Variants in KATNAL2 observed in about 807,000 individuals in gnomAD.
The protein encoded by KATNAL2 is katanin p60 ATPase-containing subunit A-like 2.
In KATNAL2, 52 loss-of-function variants were observed where a neutral mutation model predicts 76.3. That is an observed-to-expected ratio of 0.68 (90% CI 0.55 to 0.86). The LOEUF is 0.86. Among genes scored for constraint, KATNAL2 ranks in the 40% least tolerant of loss-of-function variants. The pLI is 0.00. For synonymous variants in KATNAL2, 243 were observed against 244.2 expected (o/e 1.00, Z 0.05); for missense variants, 660 against 668.9 (o/e 0.99, Z 0.15).
chr18:47,101,122 G>T lies in KATNAL2; in HGVS notation c.*117G>T, dbSNP rs1599906611. 8 of 1,161,112 alleles carry T rather than the reference G, an allele frequency of 6.9e-6. No homozygotes were observed. In the East Asian group the frequency reaches 2.0e-4, roughly 29 times the overall value. The allele number at this position is 1,161,112 out of a possible 1,614,324, so 71.9% of individuals were successfully genotyped here. A position where few individuals can be genotyped will look rare whatever the true frequency, so the allele number is the denominator to read the frequency against. On this transcript the variant is annotated 3_prime_UTR_variant, in exon 18 of 18. Coordinates refer to ENST00000683218, the MANE Select transcript of KATNAL2 (RefSeq NM_001387690.1). ...AAAGAGAAAATTATTTTTGAAGACT[G>T]GATTAACTTGAGCCACTGTATTGTT... is the stretch of plus-strand genomic sequence containing the variant.
chr18:46,943,865 A>G (rs1241175939), intron 1 of KATNAL2, among the ~76,000 whole-genome samples: 1 of 152,238 alleles, frequency 6.6e-6, no homozygotes, highest in South Asian at 2.1e-4. Context: ...TGAAGCTAAC[A>G]TGCTCTATTT....
chr18:47,052,221 A>G (rs972387330), intron 4 of KATNAL2, among the ~76,000 whole-genome samples: 5 of 152,248 alleles, frequency 3.3e-5, no homozygotes, highest in African/African-American at 1.2e-4. Flanking sequence ...TTACAACTGA[A>G]CAAGTTAAAA....
chr18:47,081,004 T>TCC, intron 15 of KATNAL2, among the ~76,000 whole-genome samples: 1 of 149,714 alleles, frequency 6.7e-6, no homozygotes, highest in Non-Finnish European at 1.5e-5. Flanking sequence ...CCCTCCTTCC[T>TCC]TCCCTCCTTC....
At chr18:47,070,402 G>A (rs965204492) in intron 13 of KATNAL2, among the ~76,000 whole-genome samples, 1 of 151,980 alleles carries the variant, frequency 6.6e-6, no homozygotes, top group African/African-American at 2.4e-5. Context: ...GCGATTTTTT[G>A]CTTTCTTTCA....
chr18:47,057,289 A>G (rs1180871679), intron 6 of KATNAL2, among the ~76,000 whole-genome samples: 1 of 152,246 alleles, frequency 6.6e-6, no homozygotes, highest in Non-Finnish European at 1.5e-5. Context: ...AGAACTAAGC[A>G]ACAATGTGGG....
chr18:47,055,735 C>T (rs1236351693), intron 6 of KATNAL2, among the ~76,000 whole-genome samples: 1 of 152,174 alleles, frequency 6.6e-6, no homozygotes, highest in Non-Finnish European at 1.5e-5. Flanking sequence ...CTTCGGAAGG[C>T]TTTTGGATTC....
chr18:47,066,426 C>A lies in KATNAL2; in HGVS notation c.727-595C>A, dbSNP rs200455041. 1.5e-4 allele frequency among the ~76,000 whole-genome samples: 23 copies of A among 152,288 alleles called. No homozygotes were observed. In the East Asian group the frequency reaches 4.1e-3, roughly 27 times the overall value. ...TAAGAGGAGAAAAACTGCACTTTCG[C>A]TCGGTTGTCAGCTTCCTTGAATTCT... On this transcript the variant is annotated intron_variant, in intron 10 of 17. Coordinates refer to ENST00000683218, the MANE Select transcript of KATNAL2 (RefSeq NM_001387690.1).
At chr18:46,951,448 G>A (rs1382131281) in intron 3 of KATNAL2, among the ~76,000 whole-genome samples, 2 of 146,338 alleles carry the variant, frequency 1.4e-5, no homozygotes, top group Non-Finnish European at 3.0e-5. Flanking sequence ...ATCTTTTCTG[G>A]ATCTCTGAGA....
chr18:47,032,989 G>A (rs1372157265), intron 3 of KATNAL2: 2 of 1,613,892 alleles, frequency 1.2e-6, no homozygotes, highest in African/African-American at 1.3e-5. Flanking sequence ...TTATCTGCAA[G>A]GCAAGTCCTG....
At chr18:47,052,194 A>G (rs2571034) in intron 4 of KATNAL2, among the ~76,000 whole-genome samples, 61,103 of 152,128 alleles carry the variant, frequency 0.4, 12,314 homozygotes, top group Admixed American at 0.51. Flanking sequence ...TGCTAAGGCC[A>G]CTTATATTGG....
At chr18:46,936,959 A>C (rs2059111998) in intron 1 of KATNAL2, among the ~76,000 whole-genome samples, 1 of 152,184 alleles carries the variant, frequency 6.6e-6, no homozygotes, top group Non-Finnish European at 1.5e-5. Context: ...CTTCTCAAAA[A>C]GAAAAACAAA....
At chr18:47,085,771 CTTTT>C (rs148213828) in intron 15 of KATNAL2, among the ~76,000 whole-genome samples, 2,456 of 152,094 alleles carry the variant, frequency 0.016, 61 homozygotes, top group African/African-American at 0.056. Context: ...TTATTCAACT[CTTTT>C]TTTATTGCAA....
intron 15 of KATNAL2, among the ~76,000 whole-genome samples, chr18:47,094,917 T>C (rs1189160478): frequency 6.6e-6 from 1 of 152,024 alleles, no homozygotes; most frequent in Non-Finnish European, 1.5e-5. Context: ...ATCTAACTTT[T>C]TTTTATGCAA....
chr18:47,032,171 G>T (rs1426680452), intron 3 of KATNAL2, among the ~76,000 whole-genome samples: 1 of 152,182 alleles, frequency 6.6e-6, no homozygotes, highest in African/African-American at 2.4e-5. Context: ...GTGTTACTTA[G>T]GGAAACTATT....
chr18:46,961,905 G>A (rs1311432832), intron 3 of KATNAL2, among the ~76,000 whole-genome samples: 2 of 152,158 alleles, frequency 1.3e-5, no homozygotes, highest in Non-Finnish European at 2.9e-5. Context: ...AATGTAGATG[G>A]GGGTTTGCTA....
chr18:47,079,687 C>T (rs1160313765), intron 15 of KATNAL2, among the ~76,000 whole-genome samples: 1 of 151,880 alleles, frequency 6.6e-6, no homozygotes, highest in African/African-American at 2.4e-5. Context: ...TTGTCATTGA[C>T]TTATTGCCTG....
chr18:46,918,580 G>C (rs746493520), intron 1 of KATNAL2, among the ~76,000 whole-genome samples: 1 of 152,078 alleles, frequency 6.6e-6, no homozygotes, highest in Non-Finnish European at 1.5e-5. Flanking sequence ...TCCGCCTCCC[G>C]AGTAGCTGCG....
intron 15 of KATNAL2, among the ~76,000 whole-genome samples, chr18:47,089,790 T>G (rs2062921584): frequency 6.6e-6 from 1 of 152,188 alleles, no homozygotes; most frequent in Non-Finnish European, 1.5e-5. Flanking sequence ...ATGCTAAAAT[T>G]TTCAACAAAG....
intron 3 of KATNAL2, among the ~76,000 whole-genome samples, chr18:46,952,013 T>G (rs959643006): frequency 1.3e-5 from 2 of 152,136 alleles, no homozygotes; most frequent in Non-Finnish European, 2.9e-5. Context: ...CCTCAAGTGC[T>G]CCACCTGCCT....
Sources: allele counts gnomAD v4.1 joint callset (sites outside exome capture counted in the v4.1 genomes callset), GRCh38; gene constraint gnomAD v4.1.1; transcripts MANE v1.5; gene names NCBI Gene and HGNC (gene_info 2026-07-23, HGNC 2026-07-21).